The following PFKL variants were observed in gnomAD, a reference collection of about 807,000 sequenced individuals.
The protein encoded by PFKL is ATP-dependent 6-phosphofructokinase, liver type.
In PFKL, 74 loss-of-function variants were observed where a neutral mutation model predicts 92.1. The observed-to-expected ratio is 0.80, with a 90% CI of 0.67 to 0.97. The LOEUF (loss-of-function observed/expected upper bound fraction) is 0.97, where lower values mean the gene tolerates loss of function less well. Among genes scored for constraint, PFKL ranks in the 50% least tolerant of loss-of-function variants. The pLI, the probability that PFKL is intolerant of heterozygous loss-of-function variation, is 0.00. For synonymous variants in PFKL, 494 were observed against 456.4 expected, an observed-to-expected ratio of 1.08 and a Z score of -1.05; for missense variants, 1,028 against 1,116.6, an observed-to-expected ratio of 0.92 and a Z score of 1.13.
chr21:44,325,591 C>T (rs1260819611), intron 19 of PFKL: 5 of 497,628 alleles, frequency 1.0e-5, no homozygotes, highest in Admixed American at 9.9e-5. Context: ...TTATGGTGGC[C>T]CTGCAGGAAG....
Position 44,300,660 on chromosome 21 carries a change from C to T in PFKL, c.85+470C>T, listed in dbSNP as rs1035483578. 6.8e-4 allele frequency among the ~76,000 whole-genome samples: 104 copies of T among 152,378 alleles called. 1 individual carries two copies. The highest frequency in any genetic ancestry group is 1.2e-3 in the Admixed American group (18 of 15,312). On this transcript the variant is annotated intron_variant, in intron 1 of 21. Transcript: ENST00000349048. The stretch of plus-strand genomic sequence containing the variant: ...CGGACTCACTCCCGGACCGCGCCTC[C>T]TCCTCGGGGCCCTCGCGGCCGCCTT...
chr21:44,325,285 T>C, intron 19 of PFKL, 21 bp downstream of exon 19: 1 of 1,457,166 alleles, frequency 6.9e-7, no homozygotes, highest in Non-Finnish European at 9.6e-7. Context: ...GGGGTGAGGC[T>C]CTGAGAGGCC....
At chr21:44,318,414 T>A (rs971142463) in intron 9 of PFKL, 56 bp from the exon 10 acceptor site, 1 of 1,396,464 alleles carries the variant, frequency 7.2e-7, no homozygotes, top group Non-Finnish European at 9.4e-7. Context: ...AGGATGGGCA[T>A]GTGGCTTGGG....
At chr21:44,303,641 C>T (rs557464137) in intron 1 of PFKL, among the ~76,000 whole-genome samples, 5 of 152,196 alleles carry the variant, frequency 3.3e-5, no homozygotes, top group East Asian at 1.9e-4. Context: ...TGGCCCGCCA[C>T]GCCTCCCTGA....
chr21:44,307,425 T>C (rs2040983338), intron 2 of PFKL: 1 of 480,528 alleles, frequency 2.1e-6, no homozygotes, highest in Non-Finnish European at 2.7e-6. Flanking sequence ...CATTCTTGCC[T>C]TGTCAGGTGG....
intron 2 of PFKL, among the ~76,000 whole-genome samples, chr21:44,310,717 G>C (rs2047017263): frequency 6.6e-6 from 1 of 152,116 alleles, no homozygotes; most frequent in Non-Finnish European, 1.5e-5. Flanking sequence ...GAACTTGCCT[G>C]TGTGGATCTG....
At chr21:44,308,914 G>T (rs1330687633) in intron 2 of PFKL, among the ~76,000 whole-genome samples, 5 of 152,122 alleles carry the variant, frequency 3.3e-5, no homozygotes, top group Non-Finnish European at 7.4e-5. Context: ...GTTAGCCCTG[G>T]TGACCACCTG....
chr21:44,305,367 G>T (rs770672858), intron 1 of PFKL: 34 of 1,365,866 alleles, frequency 2.5e-5, no homozygotes, highest in South Asian at 3.4e-5. Context: ...CTCTCGTGGG[G>T]GTCTCCATGT....
intron 1 of PFKL, chr21:44,304,232 C>T (rs184191200): frequency 3.1e-5 from 40 of 1,288,918 alleles, no homozygotes; most frequent in Admixed American, 1.4e-4. Flanking sequence ...GTGAGGGGTA[C>T]CCTTGCTGAC....
rs1186633350 is a variant in PFKL, at chr21:44,326,149, C to T, written c.2090-10C>T. The T allele has an allele frequency of 1.9e-6, 3 of 1,611,722 alleles. No homozygotes were observed. Among genetic ancestry groups the T allele is most frequent in the East Asian group, 4.5e-5 (2 of 44,804 alleles). On this transcript the variant is annotated splice_polypyrimidine_tract_variant and intron_variant, in intron 20 of 21. Transcript: ENST00000349048. ...CACCATGGAGGGCTGCCACGTGCCT[C>T]TGTTTGCAGGACGGGTGTTCGCCAA...
chr21:44,323,156 A>G (rs2047402865), intron 15 of PFKL, 107 bp downstream of exon 15: 4 of 879,936 alleles, frequency 4.5e-6, no homozygotes, highest in South Asian at 4.3e-5. Flanking sequence ...GGGCCGATGC[A>G]GGGGCCGAGA....
In PFKL at chr21:44,321,884, G is replaced by A. The variant is rs201866590; in HGVS notation, c.1338+9G>A. ...GCCTAGCCAAGGGTCAGGTGGGTCCGGCCGGGGCAAACAAGTGAGGACTTG... is the reference window on the plus strand; with the variant it reads ...GCCTAGCCAAGGGTCAGGTGGGTCCAGCCGGGGCAAACAAGTGAGGACTTG... On this transcript the variant is annotated intron_variant, in intron 13 of 21. Transcript: ENST00000349048. 5.9e-6 allele frequency: 9 copies of A among 1,523,104 alleles called. No individual in the cohort carries two copies. The highest frequency in any genetic ancestry group is 3.9e-5 in the South Asian group (3 of 77,602). 94.3% of individuals were successfully genotyped at this position (1,523,104 alleles called of 1,614,324 possible). A position where few individuals can be genotyped will look rare whatever the true frequency, so the allele number is the denominator to read the frequency against.
chr21:44,301,785 C>T (rs944529817), intron 1 of PFKL, among the ~76,000 whole-genome samples: 1 of 152,182 alleles, frequency 6.6e-6, no homozygotes, highest in African/African-American at 2.4e-5. Context: ...CACAGAGGGT[C>T]CCCAACCAGC....
At chr21:44,308,558 A>ATTT (rs368772998) in intron 2 of PFKL, among the ~76,000 whole-genome samples, 29 of 137,664 alleles carry the variant, frequency 2.1e-4, no homozygotes, top group East Asian at 6.5e-4. Flanking sequence ...GGGGGGTAGG[A>ATTT]ATTTTTTTTT....
rs1003071842 is a variant in PFKL, at chr21:44,321,833, A to G, written c.1296A>G (p.Val432=). The G allele has an allele frequency of 1.8e-5, 29 of 1,589,434 alleles. No individual in the cohort carries two copies. Among genetic ancestry groups the G allele is most frequent in the Middle Eastern group, 1.7e-4 (1 of 5,982 alleles). ...CCGGCATCTCCCATGGACACACAGT[A>G]TACGTGGTGCACGATGGCTTCGAAG... ...VRTGISHGHT[V]YVVHDGFEGL... is the part of the protein sequence containing the mutation. The change falls in exon 13 of 22, where the codon GTA becomes GTG. Residue 432 remains valine (V), a synonymous_variant. Transcript: ENST00000349048.
At chr21:44,318,364 G>A in intron 9 of PFKL, 106 bp from the exon 10 acceptor site, 2 of 1,249,888 alleles carry the variant, frequency 1.6e-6, no homozygotes, top group Non-Finnish European at 2.1e-6. Flanking sequence ...GCTTCCGTCA[G>A]CGTGGGGGGC....
chr21:44,324,304 G>C (rs1410128569), intron 16 of PFKL, 187 bp from the exon 17 acceptor site: 1 of 630,610 alleles, frequency 1.6e-6, no homozygotes, highest in Non-Finnish European at 2.7e-6. Flanking sequence ...GGGTCGCCTG[G>C]TTGAGAACCC....
chr21:44,305,109 G>A, intron 1 of PFKL: 1 of 535,430 alleles, frequency 1.9e-6, no homozygotes, highest in Non-Finnish European at 2.9e-6. Flanking sequence ...GGGTCTGGGT[G>A]AGTCCTGGCT....
rs1434903044 is a variant in PFKL at position 44,312,112 on chromosome 21, C to A, written c.245C>A (p.Thr82Asn). 2 of 1,551,320 alleles carry A rather than the reference C, an allele frequency of 1.3e-6. No homozygotes were observed. Among genetic ancestry groups the A allele is most frequent in the South Asian group, 1.2e-5 (1 of 83,038 alleles). The change falls in exon 4 of 22, where the codon ACT becomes AAT. Residue 82 changes from threonine to asparagine, a missense_variant. Transcript: ENST00000349048. ...SVSNIIQLGGTIIGSARCKAF... is the reference protein window; with the variant it reads ...SVSNIIQLGGNIIGSARCKAF... ...CTGGTCTCCTCTGTGCAGGGCGGCA[C>A]TATCATTGGCAGCGCTCGCTGCAAG... is the stretch of plus-strand genomic sequence containing the variant.
Sources: allele counts gnomAD v4.1 joint callset (sites outside exome capture counted in the v4.1 genomes callset), GRCh38; gene constraint gnomAD v4.1.1; transcripts MANE v1.5; gene names NCBI Gene and HGNC (gene_info 2026-07-23, HGNC 2026-07-21).